GLT1D1: variants seen among roughly 807,000 people sequenced by gnomAD.
The protein encoded by GLT1D1 is glycosyltransferase 1 domain-containing protein 1.
GLT1D1 carries 21 observed loss-of-function variants against 28.7 expected under a neutral mutation model. The ratio of observed to expected loss-of-function variants is 0.73; its 90% CI spans 0.52 to 1.05. The LOEUF is 1.05. Among genes scored for constraint, GLT1D1 ranks in the 50% least tolerant of loss-of-function variants. The pLI is 0.00. For missense variants in GLT1D1, 343 were observed against 330.6 expected, an observed-to-expected ratio of 1.04 and a Z score of -0.29; for synonymous variants, 147 against 124.8, an observed-to-expected ratio of 1.18 and a Z score of -1.19.
At chr12:128,969,131 C>G (rs569475119) in intron 7 of GLT1D1, among the ~76,000 whole-genome samples, 6 of 125,190 alleles carry the variant, frequency 4.8e-5, no homozygotes, top group African/African-American at 2.7e-4. Flanking sequence ...GTTTCTGTAG[C>G]CTTCCTCCCT....
Position 128,875,953 on chromosome 12 carries a change from G to A in GLT1D1, c.108G>A (p.Lys36=), listed in dbSNP as rs482401. The A allele has an allele frequency of 0.22, 347,254 of 1,613,448 alleles. 42,093 individuals carry two copies. The highest frequency in any genetic ancestry group is 0.44 in the African/African-American group (33,313 of 74,900). ...CTGCAGGGCACGTGTGCGTTTTGAAGGATGCCTTTGACTTTGAAAGCCGAT... is the reference window on the plus strand; with the variant it reads ...CTGCAGGGCACGTGTGCGTTTTGAAAGATGCCTTTGACTTTGAAAGCCGAT... Residue 36 remains lysine (K), a synonymous_variant, in exon 2 of 8, where the codon AAG becomes AAA. Transcript: ENST00000281703.
intron 3 of GLT1D1, among the ~76,000 whole-genome samples, chr12:128,890,163 G>C (rs1868873131): frequency 1.3e-5 from 2 of 152,114 alleles, no homozygotes; most frequent in African/African-American, 4.8e-5. Flanking sequence ...ACCCTGTAGG[G>C]AAAGTAACTC....
At chr12:128,910,329 T>C (rs1871382069) in intron 4 of GLT1D1, among the ~76,000 whole-genome samples, 1 of 151,696 alleles carries the variant, frequency 6.6e-6, no homozygotes, top group Non-Finnish European at 1.5e-5. Context: ...TGAGTTTATG[T>C]ATTGCTAATT....
intron 7 of GLT1D1, among the ~76,000 whole-genome samples, chr12:128,981,397 C>T (rs1880304744): frequency 6.6e-6 from 1 of 152,068 alleles, no homozygotes; most frequent in South Asian, 2.1e-4. Flanking sequence ...AAAGATATGA[C>T]CAGCATCATA....
At position 128,942,739 on chromosome 12, in the gene GLT1D1, G is replaced by GTTTTTTTTTTTTTTTTTTTTT. The variant is rs199567989; in HGVS notation, c.376-2584_376-2583insTTTTTTTTTTTTTTTTTTTTT. 2.9e-5 allele frequency among the ~76,000 whole-genome samples: 3 copies of GTTTTTTTTTTTTTTTTTTTTT among 102,478 alleles called. 1 individual carries two copies. Among genetic ancestry groups the GTTTTTTTTTTTTTTTTTTTTT allele is most frequent in the Non-Finnish European group, 5.5e-5 (3 of 54,342 alleles). 67.2% of individuals were successfully genotyped at this position (102,478 alleles called of 152,430 possible). On this transcript the variant is annotated intron_variant, in intron 4 of 7. Coordinates refer to ENST00000281703, the MANE Select transcript of GLT1D1 (RefSeq NM_144669.3). ...CTTTAGATTCCAATTTTCTTTGTTT[G>GTTTTTTTTTTTTTTTTTTTTT]TTTGTTTTTGTTTTTTGTTTTTTTT...
chr12:128,871,822 T>A (rs1405511360), intron 1 of GLT1D1, among the ~76,000 whole-genome samples: 1 of 152,148 alleles, frequency 6.6e-6, no homozygotes, highest in South Asian at 2.1e-4. Flanking sequence ...GCTGAATAAA[T>A]AACTATTTCA....
intron 1 of GLT1D1, among the ~76,000 whole-genome samples, chr12:128,867,305 G>A (rs888390386): frequency 1.4e-5 from 2 of 147,556 alleles, no homozygotes; most frequent in Non-Finnish European, 3.0e-5. Flanking sequence ...GCTGACACAG[G>A]AGAAATGCTT....
At chr12:128,924,896 G>T (rs555331553) in intron 4 of GLT1D1, among the ~76,000 whole-genome samples, 2 of 152,326 alleles carry the variant, frequency 1.3e-5, no homozygotes, top group South Asian at 4.1e-4. Flanking sequence ...CCAGCCCCGG[G>T]TCTTGGGGTA....
At chr12:128,977,810 C>T (rs1299957355) in intron 7 of GLT1D1, among the ~76,000 whole-genome samples, 1 of 142,662 alleles carries the variant, frequency 7.0e-6, no homozygotes, top group African/African-American at 2.7e-5. Context: ...CAGAGTTTCA[C>T]TCTTGTCGCC....
At chr12:128,885,417 T>G (rs1957153904) in intron 2 of GLT1D1, among the ~76,000 whole-genome samples, 1 of 151,632 alleles carries the variant, frequency 6.6e-6, no homozygotes, top group African/African-American at 2.4e-5. Flanking sequence ...GAGATGGGGT[T>G]TCACCATGTT....
At chr12:128,854,444 C>CTT (rs1204267512) in intron 1 of GLT1D1, among the ~76,000 whole-genome samples, 2 of 144,684 alleles carry the variant, frequency 1.4e-5, no homozygotes. Flanking sequence ...TGTGTAAAAG[C>CTT]GGACTTGCTT....
intron 4 of GLT1D1, chr12:128,926,362 T>A (rs1165899340): frequency 6.7e-7 from 1 of 1,503,332 alleles, no homozygotes; most frequent in South Asian, 1.2e-5. Context: ...CTTACAGAGA[T>A]TAACCAAAGT....
intron 1 of GLT1D1, among the ~76,000 whole-genome samples, chr12:128,858,376 C>T (rs1001146859): frequency 2.0e-5 from 3 of 152,148 alleles, no homozygotes; most frequent in African/African-American, 4.8e-5. Flanking sequence ...AAATCTGCAT[C>T]TGTAAAGAAT....
chr12:128,917,543 G>A (rs2135896757), intron 4 of GLT1D1, among the ~76,000 whole-genome samples: 1 of 152,266 alleles, frequency 6.6e-6, no homozygotes, highest in Admixed American at 6.5e-5. Flanking sequence ...TTCCCAAAGT[G>A]CCGGGATTAC....
intron 1 of GLT1D1, among the ~76,000 whole-genome samples, chr12:128,869,342 G>C (rs146110044): frequency 5.5e-4 from 84 of 152,030 alleles, no homozygotes; most frequent in African/African-American, 1.9e-3. Flanking sequence ...GCTACTTTTT[G>C]TATTTTTTGT....
chr12:128,918,378 C>A (rs1872318470), intron 4 of GLT1D1, among the ~76,000 whole-genome samples: 1 of 152,068 alleles, frequency 6.6e-6, no homozygotes, highest in Non-Finnish European at 1.5e-5. Context: ...GGCTTAATAC[C>A]TAGGTGATGG....
intron 1 of GLT1D1, among the ~76,000 whole-genome samples, chr12:128,854,679 T>C (rs1192005314): frequency 6.6e-6 from 1 of 152,108 alleles, no homozygotes; most frequent in South Asian, 2.1e-4. Context: ...GTATTTTTAA[T>C]AGAGACAGGG....
intron 2 of GLT1D1, among the ~76,000 whole-genome samples, chr12:128,876,347 C>T (rs1489773809): frequency 6.6e-6 from 1 of 152,134 alleles, no homozygotes; most frequent in East Asian, 1.9e-4. Context: ...CTCTGACTCT[C>T]ACCCAGGCTG....
chr12:128,915,053 C>T, intron 4 of GLT1D1, 64 bp downstream of exon 6: 5 of 1,300,118 alleles, frequency 3.8e-6, no homozygotes, highest in Non-Finnish European at 5.3e-6. Context: ...CTTTCAGGAG[C>T]TTGTGACGTT....
Sources: allele counts gnomAD v4.1 joint callset (sites outside exome capture counted in the v4.1 genomes callset), GRCh38; gene constraint gnomAD v4.1.1; transcripts MANE v1.5; gene names NCBI Gene and HGNC (gene_info 2026-07-23, HGNC 2026-07-21).